The following PCDHA12 variants were observed in gnomAD, a reference collection of about 807,000 sequenced individuals.
PCDHA12 encodes protocadherin alpha 12, also known as protocadherin alpha-12.
In PCDHA12, 44 loss-of-function variants were observed where a neutral mutation model predicts 60.0. The ratio of observed to expected loss-of-function variants is 0.73; its 90% CI spans 0.58 to 0.94. PCDHA12 has a LOEUF of 0.94. Among genes scored for constraint, PCDHA12 ranks in the 40% least tolerant of loss-of-function variants. The pLI is 0.00. For synonymous variants in PCDHA12, 569 were observed against 553.0 expected, an observed-to-expected ratio of 1.03 and a Z score of -0.40; for missense variants, 1,276 against 1,239.7, an observed-to-expected ratio of 1.03 and a Z score of -0.44.
At chr5:140,913,122 C>A (rs2076217505) in intron 1 of PCDHA12, among the ~76,000 whole-genome samples, 1 of 152,158 alleles carries the variant, frequency 6.6e-6, no homozygotes, top group African/African-American at 2.4e-5. Context: ...TGGAAGTTAA[C>A]CCCTCCTCTA....
At chr5:140,948,351 A>G (rs951541212) in intron 1 of PCDHA12, among the ~76,000 whole-genome samples, 1 of 151,646 alleles carries the variant, frequency 6.6e-6, no homozygotes, top group East Asian at 1.9e-4. Flanking sequence ...TTCTAACCTA[A>G]TAAAATGACT....
intron 1 of PCDHA12, among the ~76,000 whole-genome samples, chr5:140,898,794 T>G (rs1487494121): frequency 1.3e-5 from 2 of 152,236 alleles, no homozygotes; most frequent in East Asian, 3.8e-4. Flanking sequence ...ATGGCCATTT[T>G]CACGATACTG....
intron 1 of PCDHA12, among the ~76,000 whole-genome samples, chr5:140,907,086 A>T (rs1042352534): frequency 6.6e-6 from 1 of 152,136 alleles, no homozygotes; most frequent in East Asian, 1.9e-4. Context: ...GGTGATGGTA[A>T]GTGGTGCCAC....
intron 1 of PCDHA12, 149 bp from the exon 2 acceptor site, chr5:140,978,800 T>C: frequency 6.8e-7 from 1 of 1,480,668 alleles, no homozygotes; most frequent in South Asian, 1.4e-5. Flanking sequence ...TATATGTAGA[T>C]ATCATCATAG....
intron 1 of PCDHA12, among the ~76,000 whole-genome samples, chr5:140,921,272 C>T (rs2080137544): frequency 6.6e-6 from 1 of 152,074 alleles, no homozygotes; most frequent in African/African-American, 2.4e-5. Context: ...TTTATACTTA[C>T]TTGAAAAAAA....
intron 1 of PCDHA12, among the ~76,000 whole-genome samples, chr5:140,956,811 C>T (rs1349300314): frequency 6.6e-6 from 1 of 152,108 alleles, no homozygotes; most frequent in African/African-American, 2.4e-5. Context: ...TTTATTATTG[C>T]TTCAATTTGT....
intron 1 of PCDHA12, among the ~76,000 whole-genome samples, chr5:140,891,204 C>T (rs2153433269): frequency 6.6e-6 from 1 of 152,078 alleles, no homozygotes; most frequent in South Asian, 2.1e-4. Flanking sequence ...GCAGTTTTAC[C>T]ATGCTGTGTC....
intron 1 of PCDHA12, among the ~76,000 whole-genome samples, chr5:140,891,735 A>G (rs1200695234): frequency 2.6e-5 from 4 of 152,172 alleles, no homozygotes; most frequent in African/African-American, 9.7e-5. Context: ...TGAAAATTCA[A>G]TCCCTTATAC....
Position 140,877,053 on chromosome 5 carries a change from G to A in PCDHA12, c.1581G>A (p.Glu527=). The A allele has an allele frequency of 1.9e-6, 3 of 1,612,784 alleles. No homozygotes were observed. Among genetic ancestry groups the A allele is most frequent in the African/African-American group, 1.3e-5 (1 of 75,028 alleles). The part of the protein sequence containing the change: ...VYALQPLDHE[E]LELLQFQVSA... ...CGCTGCAGCCGCTAGACCACGAGGA[G>A]CTGGAGCTGCTGCAGTTCCAGGTGA... The change falls in exon 1 of 4, where the codon GAG becomes GAA. Residue 527 remains glutamate (E), a synonymous_variant. Coordinates refer to ENST00000398631, the MANE Select transcript of PCDHA12 (RefSeq NM_018903.4).
At chr5:140,992,078 G>A (rs1179366244) in intron 3 of PCDHA12, among the ~76,000 whole-genome samples, 1 of 151,596 alleles carries the variant, frequency 6.6e-6, no homozygotes, top group African/African-American at 2.4e-5. Context: ...TAGAGAATGA[G>A]CTAGAGTAGA....
At chr5:140,955,692 T>A (rs1021752704) in intron 1 of PCDHA12, among the ~76,000 whole-genome samples, 1 of 152,196 alleles carries the variant, frequency 6.6e-6, no homozygotes, top group African/African-American at 2.4e-5. Context: ...CTGTGATGAA[T>A]GTCAATGGAA....
intron 1 of PCDHA12, among the ~76,000 whole-genome samples, chr5:140,977,949 G>A (rs919613337): frequency 2.6e-5 from 4 of 152,036 alleles, no homozygotes; most frequent in Admixed American, 6.6e-5. Context: ...TTCAGTGACA[G>A]GGCCACCTCA....
At chr5:140,929,281 C>A in intron 1 of PCDHA12, 1 of 1,602,592 alleles carries the variant, frequency 6.2e-7, no homozygotes, top group Non-Finnish European at 8.5e-7. Context: ...ATCCTGTATT[C>A]AGATTCGGAA....
At chr5:140,879,864 T>C (rs2058152773) in intron 1 of PCDHA12, among the ~76,000 whole-genome samples, 1 of 152,226 alleles carries the variant, frequency 6.6e-6, no homozygotes, top group Admixed American at 6.5e-5. Flanking sequence ...CCTTCTCAGC[T>C]TTCATGGTCA....
At chr5:141,008,108 T>C (rs2098361480) in intron 3 of PCDHA12, among the ~76,000 whole-genome samples, 1 of 152,138 alleles carries the variant, frequency 6.6e-6, no homozygotes, top group Non-Finnish European at 1.5e-5. Flanking sequence ...CTCATGAGAA[T>C]AAGTGTTTCA....
intron 1 of PCDHA12, among the ~76,000 whole-genome samples, chr5:140,879,169 T>C (rs2057884518): frequency 6.6e-6 from 1 of 152,156 alleles, no homozygotes; most frequent in Non-Finnish European, 1.5e-5. Flanking sequence ...TTTTAATAAA[T>C]TAGGTATCAA....
chr5:140,986,372 G>A lies in PCDHA12; in HGVS notation c.2515+3809G>A, dbSNP rs570215048. ...TCTTCAGATGGAGGAATGCGTTTTG[G>A]GGGGAGGGACATTAAAGGGCCAGTC... On this transcript the variant is annotated intron_variant, in intron 3 of 3. Coordinates refer to ENST00000398631, the MANE Select transcript of PCDHA12 (RefSeq NM_018903.4). Among the ~76,000 whole-genome samples, 23 of 152,248 alleles carry A rather than the reference G, an allele frequency of 1.5e-4. No homozygotes were observed. In the East Asian group the frequency reaches 1.7e-3, roughly 12 times the overall value.
Position 140,925,879 on chromosome 5 carries a change from C to A in PCDHA12, c.2367+48040C>A, listed in dbSNP as rs138501139. Reference sequence around the variant, plus strand: ...GTTATTGCTATTGACTGGTTTATAACCTCCTCTTTCACCCAGATCGTCAAG... The same window carrying A: ...GTTATTGCTATTGACTGGTTTATAAACTCCTCTTTCACCCAGATCGTCAAG... On this transcript the variant is annotated intron_variant, in intron 1 of 3. Coordinates refer to ENST00000398631, the MANE Select transcript of PCDHA12 (RefSeq NM_018903.4). Among the ~76,000 whole-genome samples, 60 of 152,212 alleles carry A rather than the reference C, an allele frequency of 3.9e-4. No individual in the cohort carries two copies. In the East Asian group the frequency reaches 7.4e-3, roughly 19 times the overall value.
chr5:140,977,750 G>A (rs2096773664), intron 1 of PCDHA12, among the ~76,000 whole-genome samples: 1 of 152,142 alleles, frequency 6.6e-6, no homozygotes, highest in South Asian at 2.1e-4. Context: ...GAAGAAATGT[G>A]TTTATTAAAT....
Sources: allele counts gnomAD v4.1 joint callset (sites outside exome capture counted in the v4.1 genomes callset), GRCh38; gene constraint gnomAD v4.1.1; transcripts MANE v1.5; gene names NCBI Gene and HGNC (gene_info 2026-07-23, HGNC 2026-07-21).